Variants in PTBP3 observed in about 807,000 individuals in gnomAD.
PTBP3 encodes polypyrimidine tract-binding protein 3.
PTBP3 carries 20 observed loss-of-function variants against 58.7 expected under a neutral mutation model. The ratio of observed to expected loss-of-function variants is 0.34; its 90% confidence interval spans 0.24 to 0.50. The LOEUF (loss-of-function observed/expected upper bound fraction) is 0.50, where lower values mean the gene tolerates loss of function less well. Ranked by LOEUF, PTBP3 falls within the 20% of genes least tolerant of loss-of-function variation. The pLI is 0.98. For missense variants in PTBP3, 509 were observed against 637.2 expected (o/e 0.80, Z 2.17); for synonymous variants, 185 against 219.8 (o/e 0.84, Z 1.40).
intron 2 of PTBP3, among the ~76,000 whole-genome samples, chr9:112,284,539 C>T (rs1021585600): frequency 6.6e-6 from 1 of 152,004 alleles, no homozygotes; most frequent in Non-Finnish European, 1.5e-5. Flanking sequence ...CTGCTAATAG[C>T]ACAAAAATCA....
intron 2 of PTBP3, among the ~76,000 whole-genome samples, chr9:112,283,250 G>A (rs142160407): frequency 1.3e-5 from 2 of 152,310 alleles, no homozygotes; most frequent in East Asian, 1.9e-4. Flanking sequence ...CTGGGTAATG[G>A]GCAGAGGTTG....
At chr9:112,358,178 C>A in the PTBP3 span, among the ~76,000 whole-genome samples, 15 of 152,150 alleles carry the variant, frequency 9.9e-5, no homozygotes, top group South Asian at 2.5e-3. Flanking sequence ...GGCGTGGTGG[C>A]AGGTGCCTTT....
At chr9:112,287,502 G>A (rs140102855) in intron 2 of PTBP3, among the ~76,000 whole-genome samples, 13 of 151,056 alleles carry the variant, frequency 8.6e-5, no homozygotes, top group East Asian at 7.8e-4. Context: ...CACCACGCCC[G>A]GCTAATTTTT....
chr9:112,313,627 T>A (rs1432160967), intron 1 of PTBP3, among the ~76,000 whole-genome samples: 1 of 152,170 alleles, frequency 6.6e-6, no homozygotes, highest in East Asian at 1.9e-4. Flanking sequence ...CTTACTCAAG[T>A]GGTTGCTGGC....
intron 2 of PTBP3, among the ~76,000 whole-genome samples, chr9:112,291,305 T>G (rs1828412647): frequency 6.6e-6 from 1 of 151,702 alleles, no homozygotes; most frequent in African/African-American, 2.4e-5. Context: ...ATATTCAAAG[T>G]GATCTACAGG....
the PTBP3 span, among the ~76,000 whole-genome samples, chr9:112,347,691 G>T: frequency 6.6e-6 from 1 of 152,066 alleles, no homozygotes; most frequent in Admixed American, 6.6e-5. Flanking sequence ...TCAATATATT[G>T]TGTGTGTATG....
intron 4 of PTBP3, among the ~76,000 whole-genome samples, chr9:112,265,085 G>A (rs1005588542): frequency 2.6e-5 from 4 of 152,150 alleles, no homozygotes; most frequent in Non-Finnish European, 5.9e-5. Context: ...AATTCCAAGT[G>A]TGTTTTTTGG....
At chr9:112,364,376 G>C in the PTBP3 span, among the ~76,000 whole-genome samples, 1 of 151,984 alleles carries the variant, frequency 6.6e-6, no homozygotes, top group African/African-American at 2.4e-5. Context: ...AAGTACCAGG[G>C]GGCCAGGCAC....
intron 5 of PTBP3, among the ~76,000 whole-genome samples, chr9:112,260,836 C>T (rs916212838): frequency 1.3e-5 from 2 of 152,060 alleles, no homozygotes; most frequent in Non-Finnish European, 2.9e-5. Context: ...AGTGTCCTAC[C>T]CCAGCACTTG....
intron 9 of PTBP3, 44 bp downstream of exon 9, chr9:112,232,049 ACTATAC>A (rs1486860075): frequency 8.8e-7 from 1 of 1,142,534 alleles, no homozygotes; most frequent in Non-Finnish European, 1.2e-6. Context: ...AAAAAGTGCT[ACTATAC>A]CTTCTCCTGA....
At chr9:112,310,536 G>C (rs1317332142) in intron 1 of PTBP3, among the ~76,000 whole-genome samples, 2 of 152,136 alleles carry the variant, frequency 1.3e-5, no homozygotes, top group Non-Finnish European at 2.9e-5. Flanking sequence ...AATATTTACT[G>C]AGCCACCAGC....
chr9:112,269,266 G>C (rs566820365), intron 3 of PTBP3, among the ~76,000 whole-genome samples: 2 of 151,404 alleles, frequency 1.3e-5, no homozygotes, highest in South Asian at 4.2e-4. Flanking sequence ...AATTTAATGG[G>C]GGCAATTAGG....
At chr9:112,374,682 AAAGT>A in the PTBP3 span, among the ~76,000 whole-genome samples, 7 of 152,216 alleles carry the variant, frequency 4.6e-5, no homozygotes, top group Non-Finnish European at 8.8e-5. Flanking sequence ...CTTTAGCCAT[AAAGT>A]AAGTATCTTG....
chr9:112,367,065 T>A, the PTBP3 span, among the ~76,000 whole-genome samples: 6 of 152,210 alleles, frequency 3.9e-5, no homozygotes, highest in African/African-American at 1.4e-4. Flanking sequence ...AAATATCTTA[T>A]CACAGTCTAT....
intron 1 of PTBP3, among the ~76,000 whole-genome samples, chr9:112,320,102 G>GT (rs1829856757): frequency 6.6e-6 from 1 of 151,528 alleles, no homozygotes; most frequent in African/African-American, 2.4e-5. Context: ...GTTTAACATG[G>GT]TGACTATATA....
intron 1 of PTBP3, among the ~76,000 whole-genome samples, chr9:112,322,827 G>A (rs1487274869): frequency 6.6e-6 from 1 of 152,242 alleles, no homozygotes; most frequent in African/African-American, 2.4e-5. Context: ...AAGATGGTGA[G>A]TTGTTTTTCA....
chr9:112,316,322 T>C (rs1564458277), intron 1 of PTBP3, among the ~76,000 whole-genome samples: 1 of 152,202 alleles, frequency 6.6e-6, no homozygotes, highest in African/African-American at 2.4e-5. Context: ...CAAAAGACTT[T>C]TACCTCATAC....
At chr9:112,232,051 T>C (rs1835263809) in intron 9 of PTBP3, 48 bp downstream of exon 9, 2 of 1,127,178 alleles carry the variant, frequency 1.8e-6, no homozygotes, top group African/African-American at 2.0e-5. Flanking sequence ...AAAGTGCTAC[T>C]ATACCTTCTC....
chr9:112,296,236 G>C (rs527962095), intron 2 of PTBP3, among the ~76,000 whole-genome samples: 60 of 152,180 alleles, frequency 3.9e-4, no homozygotes, highest in African/African-American at 1.3e-3. Context: ...TTTAGTGTTA[G>C]GTGACAGAAT....
Sources: gnomAD v4.1 joint callset for allele counts (sites outside exome capture counted in the v4.1 genomes callset) on GRCh38, gnomAD v4.1.1 for gene constraint, MANE v1.5 for transcripts, NCBI Gene and HGNC (gene_info 2026-07-23, HGNC 2026-07-21) for gene names.